Variants in PCDHGA4 observed in about 807,000 individuals in gnomAD.
PCDHGA4 encodes protocadherin gamma-A4.
A neutral mutation model predicts 54.6 loss-of-function variants in PCDHGA4; 38 were observed. The observed-to-expected ratio is 0.70, with a 90% CI of 0.54 to 0.91. The LOEUF (loss-of-function observed/expected upper bound fraction) is 0.91. Ranked by LOEUF, PCDHGA4 falls within the 40% of genes least tolerant of loss-of-function variation. The probability of loss-of-function intolerance (pLI) is 0.00; values close to 1 mark genes in which losing one functional copy is unlikely to be tolerated. For missense variants in PCDHGA4, 1,298 were observed against 1,220.9 expected (o/e 1.06, Z -0.94); for synonymous variants, 511 against 512.9 (o/e 1.00, Z 0.05).
intron 1 of PCDHGA4, chr5:141,403,402 A>T: frequency 6.2e-7 from 1 of 1,614,076 alleles, no homozygotes; most frequent in Non-Finnish European, 8.5e-7. Flanking sequence ...TTCCTGGAGC[A>T]CGTTATCCAC....
chr5:141,432,560 A>C lies in PCDHGA4; in HGVS notation c.2515-62247A>C. The C allele has an allele frequency of 2.5e-6, 4 of 1,613,600 alleles. No individual in the cohort carries two copies. Among genetic ancestry groups the C allele is most frequent in the Non-Finnish European group, 3.4e-6 (4 of 1,179,962 alleles). ...GGCGGTGGACAGAGACTCCGGCCAG[A>C]ACGCCTGGCTGTCCTACCGTCTGCT... On this transcript the variant is annotated intron_variant, in intron 1 of 3. Transcript: ENST00000571252. The surrounding 1 kb of genome is among the most constrained non-coding windows in gnomAD (Gnocchi z 6.0).
intron 1 of PCDHGA4, chr5:141,371,030 C>T (rs62378420): frequency 0.034 from 55,625 of 1,613,990 alleles, 1,067 homozygotes; most frequent in Middle Eastern, 0.098. Flanking sequence ...ACCTGGTCCT[C>T]ACAGCTGTGG....
intron 2 of PCDHGA4, among the ~76,000 whole-genome samples, chr5:141,503,292 A>G (rs7710319): frequency 6.6e-6 from 1 of 151,928 alleles, no homozygotes; most frequent in African/African-American, 2.4e-5. Flanking sequence ...TGGTACATAG[A>G]AATTGCTCAA....
In PCDHGA4 at chr5:141,366,007, G is replaced by A. The variant is rs764457320; in HGVS notation, c.2514+8386G>A. 6.2e-6 allele frequency: 10 copies of A among 1,614,058 alleles called. No homozygotes were observed. In the Admixed American group the frequency reaches 6.7e-5, roughly 11 times the overall value. The stretch of plus-strand genomic sequence containing the variant: ...TTGTGCTGGACCAGAACGACAATAC[G>A]CCTGAGATCCTGTACCCCGCCCTCC... On this transcript the variant is annotated intron_variant, in intron 1 of 3. Transcript: ENST00000571252.
In PCDHGA4 at chr5:141,512,845, A is replaced by G. The variant is rs1166488780; in HGVS notation, c.*1672A>G. On this transcript the variant is annotated 3_prime_UTR_variant, in exon 4 of 4. Coordinates refer to ENST00000571252, the MANE Select transcript of PCDHGA4 (RefSeq NM_018917.4). ...CTCCCCCGTACTGACTTCTCCTATA[A>G]GCGCTTCTCTTCGCATAGTCACGTA... The G allele has an allele frequency of 6.6e-6, 1 of 152,156 alleles. No individual in the cohort carries two copies. Among genetic ancestry groups the G allele is most frequent in the African/African-American group, 2.4e-5 (1 of 41,380 alleles). 9.4% of individuals were successfully genotyped at this position (152,156 alleles called of 1,614,324 possible).
At chr5:141,484,315 C>T (rs1172379949) in intron 1 of PCDHGA4, among the ~76,000 whole-genome samples, 2 of 152,326 alleles carry the variant, frequency 1.3e-5, no homozygotes, top group African/African-American at 4.8e-5. Context: ...ACCCCGCTTC[C>T]ATACTGTCCT....
chr5:141,428,173 C>G, intron 1 of PCDHGA4: 1 of 1,514,730 alleles, frequency 6.6e-7, no homozygotes. Context: ...CTGTGCGTGA[C>G]GGAGGACAGC....
intron 1 of PCDHGA4, chr5:141,374,351 A>T (rs1770409199): frequency 6.2e-7 from 1 of 1,614,022 alleles, no homozygotes; most frequent in South Asian, 1.1e-5. Flanking sequence ...CGCGGGTAGG[A>T]TAGACCGCGA....
At chr5:141,464,223 CCACTGCA>C (rs916210777) in intron 1 of PCDHGA4, among the ~76,000 whole-genome samples, 4 of 150,824 alleles carry the variant, frequency 2.7e-5, no homozygotes, top group Non-Finnish European at 4.4e-5. Flanking sequence ...TGAGATTGCG[CCACTGCA>C]CTCCAGCCTG....
intron 1 of PCDHGA4, chr5:141,423,295 C>A: frequency 6.2e-7 from 1 of 1,614,146 alleles, no homozygotes; most frequent in Non-Finnish European, 8.5e-7. Context: ...AACCTCAGAC[C>A]TCTCGCTGTA....
chr5:141,427,694 A>T (rs758628764), intron 1 of PCDHGA4: 2 of 913,932 alleles, frequency 2.2e-6, no homozygotes, highest in Non-Finnish European at 3.5e-6. Context: ...CCTCCATCCC[A>T]CAAGTCAGCG....
chr5:141,372,316 G>T, intron 1 of PCDHGA4: 1 of 1,613,524 alleles, frequency 6.2e-7, no homozygotes, highest in East Asian at 2.2e-5. Flanking sequence ...GCCCGCCAGC[G>T]CCTGCTGGTC....
At position 141,384,979 on chromosome 5, in the gene PCDHGA4, G is replaced by C. The variant is rs758247749; in HGVS notation, c.2514+27358G>C. 1.4e-4 allele frequency: 229 copies of C among 1,614,146 alleles called. 1 individual carries two copies. The highest frequency in any genetic ancestry group is 1.5e-5 in the Non-Finnish European group (18 of 1,180,036). On this transcript the variant is annotated intron_variant, in intron 1 of 3. Coordinates refer to ENST00000571252, the MANE Select transcript of PCDHGA4 (RefSeq NM_018917.4). ...CAACTATGACCTCACGTTGTACCTG[G>C]TGGTGGCGGTGGCCACAGTCTCCTG...
intron 1 of PCDHGA4, chr5:141,393,572 G>C (rs1399932416): frequency 6.2e-7 from 1 of 1,613,908 alleles, no homozygotes; most frequent in South Asian, 1.1e-5. Context: ...AAGTCCTTGA[G>C]AACATGCCCC....
chr5:141,408,561 T>C lies in PCDHGA4; in HGVS notation c.2514+50940T>C. On this transcript the variant is annotated intron_variant, in intron 1 of 3. Coordinates refer to ENST00000571252, the MANE Select transcript of PCDHGA4 (RefSeq NM_018917.4). ...AATCCTTTAAATATTTTTCATGTCA[T>C]TGTGGTGATTGAGGATGTTAATGAC... 6.2e-7 allele frequency: 1 copy of C among 1,613,994 alleles called. No homozygotes were observed.
intron 1 of PCDHGA4, among the ~76,000 whole-genome samples, chr5:141,472,508 C>T (rs140607073): frequency 0.01 from 1,548 of 151,922 alleles, 35 homozygotes; most frequent in African/African-American, 0.035. Flanking sequence ...CCACTGCACT[C>T]CAGCCTGGGT....
intron 1 of PCDHGA4, chr5:141,383,728 G>GGT (rs1554087976): frequency 1.9e-6 from 3 of 1,613,878 alleles, no homozygotes; most frequent in Non-Finnish European, 2.5e-6. Flanking sequence ...CAATGGGGAA[G>GGT]TGACATATTC....
Position 141,491,166 on chromosome 5 carries a change from G to A in PCDHGA4, c.2515-3641G>A. 1 of 1,614,150 alleles carries A rather than the reference G, an allele frequency of 6.2e-7. No individual in the cohort carries two copies. The highest frequency in any genetic ancestry group is 8.5e-7 in the Non-Finnish European group (1 of 1,179,964). ...TACTGGAGGATGACTCTGACACCCA[G>A]CAGGTGGTGGTCCTGGTGAGGGACA... On this transcript the variant is annotated intron_variant, in intron 1 of 3. Transcript: ENST00000571252. The surrounding 1 kb of genome is among the most constrained non-coding windows in gnomAD (Gnocchi z 6.9).
chr5:141,366,187 T>G (rs1297939104), intron 1 of PCDHGA4: 4 of 1,613,856 alleles, frequency 2.5e-6, no homozygotes, highest in African/African-American at 1.3e-5. Flanking sequence ...TCTTTGCGGT[T>G]GGGCTGCACA....
Sources: gnomAD v4.1 joint callset for allele counts (sites outside exome capture counted in the v4.1 genomes callset) on GRCh38, gnomAD v4.1.1 for gene constraint, Gnocchi (gnomAD v3.1) non-coding constraint, MANE v1.5 for transcripts, NCBI Gene and HGNC (gene_info 2026-07-23, HGNC 2026-07-21) for gene names.